The following ADGRE3 variants were observed in gnomAD, a reference collection of about 807,000 sequenced individuals.
ADGRE3 encodes the protein EGF-like module receptor 3.
In ADGRE3, 88 loss-of-function variants were observed where a neutral mutation model predicts 80.1. That is an observed-to-expected ratio of 1.10 (90% CI 0.93 to 1.31). The LOEUF (loss-of-function observed/expected upper bound fraction) is 1.31. ADGRE3 is among the 40% of genes most tolerant of loss of function. The pLI is 0.00. For synonymous variants in ADGRE3, 281 were observed against 294.8 expected (o/e 0.95, Z 0.48); for missense variants, 715 against 776.5 (o/e 0.92, Z 0.94).
intron 8 of ADGRE3, among the ~76,000 whole-genome samples, chr19:14,646,185 C>T (rs754327905): frequency 3.3e-5 from 5 of 152,064 alleles, no homozygotes; most frequent in African/African-American, 4.8e-5. Flanking sequence ...TGCAGTGGCG[C>T]GATCTTGGCT....
chr19:14,659,276 C>T (rs1282528415), intron 4 of ADGRE3, among the ~76,000 whole-genome samples: 1 of 152,044 alleles, frequency 6.6e-6, no homozygotes, highest in Non-Finnish European at 1.5e-5. Flanking sequence ...TTCCTGACCT[C>T]AGGCAATCCA....
intron 14 of ADGRE3, among the ~76,000 whole-genome samples, chr19:14,626,084 TTTATA>T (rs1226024165): frequency 6.6e-6 from 1 of 150,836 alleles, no homozygotes; most frequent in Non-Finnish European, 1.5e-5. Context: ...AAAGGTAAAT[TTTATA>T]TTATATATGT....
At chr19:14,636,941 A>G (rs1355868498) in intron 11 of ADGRE3, among the ~76,000 whole-genome samples, 3 of 151,984 alleles carry the variant, frequency 2.0e-5, no homozygotes, top group African/African-American at 4.8e-5. Context: ...TAAAAGTACA[A>G]AAATTAGCTG....
At chr19:14,655,205 A>C (rs1038040149) in intron 5 of ADGRE3, 40 bp from the exon 6 acceptor site, 6 of 1,562,626 alleles carry the variant, frequency 3.8e-6, no homozygotes, top group Non-Finnish European at 5.2e-6. Context: ...TAAAAATGTA[A>C]TCTGGTAAGT....
intron 13 of ADGRE3, among the ~76,000 whole-genome samples, chr19:14,631,935 TA>T (rs1970892629): frequency 6.6e-6 from 1 of 151,850 alleles, no homozygotes; most frequent in Admixed American, 6.6e-5. Flanking sequence ...CAAAAGACTA[TA>T]AAAAAATGTA....
At chr19:14,655,711 C>T (rs1971735961) in intron 5 of ADGRE3, among the ~76,000 whole-genome samples, 1 of 152,022 alleles carries the variant, frequency 6.6e-6, no homozygotes, top group Non-Finnish European at 1.5e-5. Flanking sequence ...ATTCTCCTGC[C>T]TTGGCCTTCC....
At position 14,619,419 on chromosome 19, in the gene ADGRE3, T is replaced by C; in HGVS notation, c.*14A>G. On this transcript the variant is annotated 3_prime_UTR_variant, in exon 16 of 16. Coordinates refer to ENST00000253673, the MANE Select transcript of ADGRE3 (RefSeq NM_032571.5). ...ATGGATATGATTTTCCATATGGAGT[T>C]GAATATTCTAGTTTTAATATTTTCT... 6.5e-7 allele frequency: 1 copy of C among 1,543,086 alleles called. No individual in the cohort carries two copies.
At chr19:14,659,210 T>C (rs1293327080) in intron 4 of ADGRE3, among the ~76,000 whole-genome samples, 1 of 151,732 alleles carries the variant, frequency 6.6e-6, no homozygotes, top group Non-Finnish European at 1.5e-5. Flanking sequence ...AAATTTTTTT[T>C]TTTTGTATTT....
intron 6 of ADGRE3, among the ~76,000 whole-genome samples, chr19:14,651,999 G>A (rs1034224081): frequency 6.6e-6 from 1 of 152,114 alleles, no homozygotes; most frequent in Non-Finnish European, 1.5e-5. Flanking sequence ...CTGAGATCAC[G>A]CCACTGTACT....
At chr19:14,617,618 G>A (rs1344763683), downstream of ADGRE3, among the ~76,000 whole-genome samples, 2 of 151,566 alleles carry the variant, frequency 1.3e-5, no homozygotes, top group Non-Finnish European at 2.9e-5. Flanking sequence ...GGCTGGTCTC[G>A]AACTCCTGAC....
At chr19:14,658,400 T>C (rs1419127090) in intron 5 of ADGRE3, 113 bp downstream of exon 5, 8 of 428,202 alleles carry the variant, frequency 1.9e-5, no homozygotes, top group African/African-American at 6.4e-5. Context: ...TATATGTATA[T>C]ATAATATATA....
At position 14,638,091 on chromosome 19, in the gene ADGRE3, G is replaced by C. The variant is rs1971148840; in HGVS notation, c.1484+14C>G. The C allele has an allele frequency of 6.3e-7, 1 of 1,588,540 alleles. No homozygotes were observed. Among genetic ancestry groups the C allele is most frequent in the Admixed American group, 1.7e-5 (1 of 59,952 alleles). Reference sequence around the variant, plus strand: ...AGGAAACTGTCCATGACACAAGGTGGGATTCAAGCTCACCGATCAGCAGTT... The same window carrying C: ...AGGAAACTGTCCATGACACAAGGTGCGATTCAAGCTCACCGATCAGCAGTT... On this transcript the variant is annotated intron_variant, in intron 11 of 15. Coordinates refer to ENST00000253673, the MANE Select transcript of ADGRE3 (RefSeq NM_032571.5).
At chr19:14,634,382 AT>A (rs1970975045) in intron 11 of ADGRE3, among the ~76,000 whole-genome samples, 1 of 152,192 alleles carries the variant, frequency 6.6e-6, no homozygotes, top group South Asian at 2.1e-4. Flanking sequence ...ACATATTTAA[AT>A]TGGTATGTGT....
At chr19:14,642,111 T>C (rs1455647708) in intron 9 of ADGRE3, among the ~76,000 whole-genome samples, 1 of 152,086 alleles carries the variant, frequency 6.6e-6, no homozygotes, top group African/African-American at 2.4e-5. Flanking sequence ...TGGAGATGGA[T>C]GGTGGTTGAT....
chr19:14,647,410 CT>C (rs35043921), intron 7 of ADGRE3, 45 bp from the exon 8 acceptor site: 131,337 of 927,980 alleles, frequency 0.14, 59 homozygotes, highest in East Asian at 0.15. Context: ...TCTTTTCTTT[CT>C]TTTTTTTTTT....
chr19:14,665,936 G>GTATATATATGCATATATA (rs71166783), intron 2 of ADGRE3, among the ~76,000 whole-genome samples: 11 of 42,102 alleles, frequency 2.6e-4, no homozygotes, highest in African/African-American at 1.1e-3. Context: ...ACACATATGT[G>GTATATATATGCATATATA]TATATATATA....
chr19:14,659,467 A>C (rs1971876043), intron 4 of ADGRE3, among the ~76,000 whole-genome samples: 1 of 152,156 alleles, frequency 6.6e-6, no homozygotes, highest in South Asian at 2.1e-4. Flanking sequence ...CAGAAGCATC[A>C]GTGTCTGGTC....
chr19:14,632,061 C>T (rs1970898091), intron 13 of ADGRE3, among the ~76,000 whole-genome samples: 2 of 152,144 alleles, frequency 1.3e-5, no homozygotes, highest in South Asian at 4.1e-4. Flanking sequence ...AAATATTATA[C>T]AAGATATCTT....
At position 14,665,963 on chromosome 19, in the gene ADGRE3, T is replaced by TGC. The variant is rs1568500855; in HGVS notation, c.77-2424_77-2423insGC. 3.7e-4 allele frequency among the ~76,000 whole-genome samples: 47 copies of TGC among 127,342 alleles called. 2 individuals are homozygous for TGC. Among genetic ancestry groups the TGC allele is most frequent in the African/African-American group, 7.7e-4 (28 of 36,208 alleles). 83.5% of individuals were successfully genotyped at this position (127,342 alleles called of 152,430 possible). A position where few individuals can be genotyped will look rare whatever the true frequency, so the allele number is the denominator to read the frequency against. ...ATATATATATATATATATATATATA[T>TGC]ATATATATATATATAGTGTTTTCTT... On this transcript the variant is annotated intron_variant, in intron 2 of 15. Coordinates refer to ENST00000253673, the MANE Select transcript of ADGRE3 (RefSeq NM_032571.5).
Sources: gnomAD v4.1 joint callset for allele counts (sites outside exome capture counted in the v4.1 genomes callset) on GRCh38, gnomAD v4.1.1 for gene constraint, MANE v1.5 for transcripts, NCBI Gene and HGNC (gene_info 2026-07-23, HGNC 2026-07-21) for gene names.